Variants in RPSA2 observed in about 807,000 individuals in gnomAD.
The protein encoded by RPSA2 is small ribosomal subunit protein uS2B.
chr19:23,843,799 G>T, the RPSA2 span, among the ~76,000 whole-genome samples: 1 of 151,744 alleles, frequency 6.6e-6, no homozygotes, highest in African/African-American at 2.4e-5. Flanking sequence ...CACTCTTGTT[G>T]CCGAGGCTGG....
the RPSA2 span, among the ~76,000 whole-genome samples, chr19:23,867,402 A>G: frequency 6.6e-6 from 1 of 152,374 alleles, no homozygotes; most frequent in South Asian, 2.1e-4. Flanking sequence ...AGCATTGGAT[A>G]TGAGACTTAC....
the RPSA2 span, among the ~76,000 whole-genome samples, chr19:23,771,487 A>G: frequency 1.3e-5 from 2 of 152,206 alleles, no homozygotes; most frequent in Non-Finnish European, 2.9e-5. Context: ...GAAATTGTTA[A>G]TCTCATACCT....
chr19:23,790,678 TCC>T, the RPSA2 span: 1 of 388,652 alleles, frequency 2.6e-6, no homozygotes, highest in Non-Finnish European at 4.9e-6. Flanking sequence ...CTGCTCTGTG[TCC>T]TCTGACTTAG....
chr19:23,769,643 C>G, the RPSA2 span, among the ~76,000 whole-genome samples: 2 of 152,110 alleles, frequency 1.3e-5, no homozygotes, highest in Non-Finnish European at 2.9e-5. Context: ...GATGCCCGGC[C>G]GATGTGTCTC....
the RPSA2 span, among the ~76,000 whole-genome samples, chr19:23,839,491 G>A: frequency 6.6e-6 from 1 of 152,150 alleles, no homozygotes; most frequent in African/African-American, 2.4e-5. Context: ...TTTCCATGTG[G>A]AGGGCAAGTT....
the RPSA2 span, among the ~76,000 whole-genome samples, chr19:23,822,238 G>A: frequency 4.6e-5 from 7 of 152,236 alleles, no homozygotes; most frequent in East Asian, 1.9e-4. Context: ...CTTTGCAGGC[G>A]CTGAAGCTGG....
chr19:23,847,752 C>G, the RPSA2 span, among the ~76,000 whole-genome samples: 1 of 152,256 alleles, frequency 6.6e-6, no homozygotes, highest in Middle Eastern at 3.4e-3. Flanking sequence ...GGGCGTATCT[C>G]AGTACTTATC....
the RPSA2 span, among the ~76,000 whole-genome samples, chr19:23,834,177 A>C: frequency 6.6e-6 from 1 of 152,098 alleles, no homozygotes; most frequent in African/African-American, 2.4e-5. Context: ...TAGATAGCAT[A>C]AACATTATTT....
At chr19:23,822,814 G>T in the RPSA2 span, among the ~76,000 whole-genome samples, 567 of 152,226 alleles carry the variant, frequency 3.7e-3, 4 homozygotes, top group African/African-American at 0.013. Context: ...AGGGAGGAGG[G>T]GTTTCTATCT....
the RPSA2 span, among the ~76,000 whole-genome samples, chr19:23,845,015 T>C: frequency 2.7e-5 from 4 of 146,510 alleles, no homozygotes; most frequent in African/African-American, 1.0e-4. Flanking sequence ...TCCATGAATT[T>C]ATTCATTCTT....
chr19:23,837,914 C>T, the RPSA2 span, among the ~76,000 whole-genome samples: 1 of 152,092 alleles, frequency 6.6e-6, no homozygotes, highest in African/African-American at 2.4e-5. Context: ...GTTTGACTTC[C>T]TGTTTACTGA....
the RPSA2 span, among the ~76,000 whole-genome samples, chr19:23,866,741 C>T: frequency 6.6e-6 from 1 of 152,102 alleles, no homozygotes; most frequent in Non-Finnish European, 1.5e-5. Context: ...GATTCCCTCT[C>T]CCCAGGAACA....
the RPSA2 span, among the ~76,000 whole-genome samples, chr19:23,797,604 G>A: frequency 1.3e-5 from 2 of 152,148 alleles, no homozygotes; most frequent in Non-Finnish European, 2.9e-5. Flanking sequence ...GGACTATTTG[G>A]TCAAGTGTTG....
the RPSA2 span, among the ~76,000 whole-genome samples, chr19:23,865,431 C>T: frequency 3.3e-5 from 5 of 152,106 alleles, no homozygotes; most frequent in Admixed American, 2.6e-4. Context: ...GAAATGGGCT[C>T]ATCAAAAAGT....
the RPSA2 span, among the ~76,000 whole-genome samples, chr19:23,768,057 G>A: frequency 6.6e-5 from 10 of 152,178 alleles, no homozygotes; most frequent in African/African-American, 1.2e-4. Context: ...GAGCCACCAC[G>A]CCCGGCCCAA....
chr19:23,868,197 T>G, the RPSA2 span, among the ~76,000 whole-genome samples: 5 of 152,288 alleles, frequency 3.3e-5, no homozygotes, highest in South Asian at 1.0e-3. Context: ...CTTGTAGTAA[T>G]AGATCTTAAA....
the RPSA2 span, among the ~76,000 whole-genome samples, chr19:23,762,501 C>G: frequency 6.6e-6 from 1 of 151,356 alleles, no homozygotes; most frequent in South Asian, 2.1e-4. Context: ...CATGGTGAAA[C>G]CTCATCTCTA....
chr19:23,800,752 T>C, the RPSA2 span, among the ~76,000 whole-genome samples: 1 of 152,118 alleles, frequency 6.6e-6, no homozygotes, highest in Non-Finnish European at 1.5e-5. Flanking sequence ...TAGCTGGGAT[T>C]ACAGGCATGC....
At chr19:23,832,373 C>G in the RPSA2 span, 29 of 496,988 alleles carry the variant, frequency 5.8e-5, no homozygotes, top group African/African-American at 5.2e-4. Flanking sequence ...AGAGTCCATA[C>G]TAGACAGAAA....
Sources: allele counts gnomAD v4.1 joint callset (sites outside exome capture counted in the v4.1 genomes callset), GRCh38; gene constraint gnomAD v4.1.1; transcripts MANE v1.5; gene names NCBI Gene and HGNC (gene_info 2026-07-23, HGNC 2026-07-21).